The following SEMA3A variants were observed in gnomAD, a reference collection of about 807,000 sequenced individuals.
The protein encoded by SEMA3A is semaphorin-3A.
In SEMA3A, 29 loss-of-function variants were observed where a neutral mutation model predicts 97.9. The observed-to-expected ratio is 0.30, with a 90% CI of 0.22 to 0.40. The LOEUF (loss-of-function observed/expected upper bound fraction) is 0.40, where lower values mean the gene tolerates loss of function less well. Ranked by LOEUF, SEMA3A falls within the 10% of genes least tolerant of loss-of-function variation. SEMA3A has a pLI of 1.00. For missense variants in SEMA3A, 763 were observed against 951.3 expected (o/e 0.80, Z 2.60); for synonymous variants, 321 against 323.7 (o/e 0.99, Z 0.09).
chr7:84,274,050 G>A (rs1321161619), intron 3 of SEMA3A, among the ~76,000 whole-genome samples: 1 of 151,836 alleles, frequency 6.6e-6, no homozygotes, highest in Non-Finnish European at 1.5e-5. Context: ...ATAGAATTTT[G>A]GAGTTTCAAA....
At chr7:84,192,020 A>G (rs1798057597) in intron 1 of SEMA3A, among the ~76,000 whole-genome samples, 1 of 151,938 alleles carries the variant, frequency 6.6e-6, no homozygotes. Context: ...GAAAGTAAGC[A>G]CAGTGATTGC....
chr7:84,317,802 C>T (rs1801544432), intron 2 of SEMA3A, among the ~76,000 whole-genome samples: 1 of 152,042 alleles, frequency 6.6e-6, no homozygotes, highest in African/African-American at 2.4e-5. Context: ...GAAAATGAAA[C>T]TACTTTAGGA....
At chr7:84,114,487 T>C (rs1795365555) in intron 3 of SEMA3A, among the ~76,000 whole-genome samples, 1 of 152,128 alleles carries the variant, frequency 6.6e-6, no homozygotes, top group African/African-American at 2.4e-5. Flanking sequence ...CCATCGATAG[T>C]TTGTGTAGAA....
At chr7:84,135,171 C>A (rs1401996069) in intron 1 of SEMA3A, among the ~76,000 whole-genome samples, 1 of 146,728 alleles carries the variant, frequency 6.8e-6, no homozygotes, top group Non-Finnish European at 1.5e-5. Flanking sequence ...GGTTGGAGTA[C>A]AATGGCGGGA....
chr7:84,447,888 T>C (rs1378604693), intron 1 of SEMA3A, among the ~76,000 whole-genome samples: 1 of 152,192 alleles, frequency 6.6e-6, no homozygotes, highest in Non-Finnish European at 1.5e-5. Flanking sequence ...TCTCCAAGTT[T>C]CCAGGTGCCA....
chr7:84,027,183 TGCAA>T (rs890099894), intron 6 of SEMA3A, among the ~76,000 whole-genome samples: 2 of 152,200 alleles, frequency 1.3e-5, no homozygotes, highest in Non-Finnish European at 2.9e-5. Context: ...TTAAAAGACA[TGCAA>T]TGTCTCTGCT....
chr7:84,009,918 A>C (rs532826306), intron 9 of SEMA3A, among the ~76,000 whole-genome samples: 73 of 136,832 alleles, frequency 5.3e-4, no homozygotes, highest in Non-Finnish European at 8.6e-4. Context: ...AAAAAAAAAA[A>C]AAAAAAAAAA....
chr7:84,110,409 T>G, intron 4 of SEMA3A, 61 bp downstream of exon 4: 1 of 1,581,184 alleles, frequency 6.3e-7, no homozygotes, highest in South Asian at 1.1e-5. Flanking sequence ...AAATTAGTAA[T>G]GAAGCATTTT....
intron 3 of SEMA3A, among the ~76,000 whole-genome samples, chr7:84,246,505 G>T (rs936323325): frequency 2.6e-5 from 4 of 151,990 alleles, no homozygotes; most frequent in Non-Finnish European, 4.4e-5. Context: ...ATTAAAATAA[G>T]ACAGAGGTTA....
intron 5 of SEMA3A, among the ~76,000 whole-genome samples, chr7:84,054,266 C>T (rs1420034402): frequency 3.3e-5 from 5 of 152,260 alleles, no homozygotes; most frequent in African/African-American, 9.6e-5. Context: ...GCTTGCCTTG[C>T]TAGATTGGGG....
At chr7:84,166,722 A>C (rs879751935) in intron 1 of SEMA3A, among the ~76,000 whole-genome samples, 4 of 151,374 alleles carry the variant, frequency 2.6e-5, no homozygotes, top group Non-Finnish European at 5.9e-5. Context: ...AATACAAAAA[A>C]AAATTAGCTG....
rs191595419 is a variant in SEMA3A, at chr7:84,341,635, C to T, written c.-169+30189G>A. Among the ~76,000 whole-genome samples, 124 of 152,076 alleles carry T rather than the reference C, an allele frequency of 8.2e-4. 1 individual carries two copies. Among genetic ancestry groups the T allele is most frequent in the African/African-American group, 2.7e-3 (113 of 41,490 alleles). ...GATCCCCTCTGTCTCTACTTCTGCC[C>T]GAACAGTATCTATCTAAGCCTTCAG... is the stretch of plus-strand genomic sequence containing the variant. On this transcript the variant is annotated intron_variant, in intron 2 of 3. Transcript: ENST00000424555.
At chr7:84,175,059 C>T (rs1336728493) in intron 1 of SEMA3A, among the ~76,000 whole-genome samples, 2 of 152,124 alleles carry the variant, frequency 1.3e-5, no homozygotes, top group Non-Finnish European at 2.9e-5. Context: ...GTCTCTTCCA[C>T]TTGTCTGGAA....
intron 13 of SEMA3A, among the ~76,000 whole-genome samples, chr7:83,981,987 C>G (rs942297940): frequency 7.9e-5 from 12 of 151,996 alleles, no homozygotes; most frequent in African/African-American, 2.9e-4. Context: ...ACTTTGGGCT[C>G]AACACCAAGA....
intron 3 of SEMA3A, among the ~76,000 whole-genome samples, chr7:84,300,787 T>C (rs939632141): frequency 2.0e-5 from 3 of 152,022 alleles, no homozygotes; most frequent in Admixed American, 6.6e-5. Flanking sequence ...GAACCAAAAA[T>C]ATTAATGAAA....
intron 1 of SEMA3A, among the ~76,000 whole-genome samples, chr7:84,414,463 C>T (rs1013390067): frequency 6.7e-6 from 1 of 150,166 alleles, no homozygotes; most frequent in Non-Finnish European, 1.5e-5. Context: ...TTGATAAATA[C>T]GTGCAATGAA....
chr7:83,990,555 G>T (rs1228408149), intron 12 of SEMA3A, among the ~76,000 whole-genome samples: 1 of 114,802 alleles, frequency 8.7e-6, no homozygotes. Context: ...AGTTTTCCCA[G>T]CACCATTTAT....
chr7:84,428,336 AT>A (rs1296611797), intron 1 of SEMA3A, among the ~76,000 whole-genome samples: 13 of 151,982 alleles, frequency 8.6e-5, no homozygotes, highest in African/African-American at 2.2e-4. Context: ...CGTAAATATA[AT>A]TTTTTCTCCT....
At chr7:83,973,012 T>C (rs1390625957) in intron 15 of SEMA3A, among the ~76,000 whole-genome samples, 1 of 152,188 alleles carries the variant, frequency 6.6e-6, no homozygotes, top group Non-Finnish European at 1.5e-5. Flanking sequence ...ATATCTCTGA[T>C]ATCAGAATGT....
Sources: allele counts gnomAD v4.1 joint callset (sites outside exome capture counted in the v4.1 genomes callset), GRCh38; gene constraint gnomAD v4.1.1; transcripts MANE v1.5; gene names NCBI Gene and HGNC (gene_info 2026-07-23, HGNC 2026-07-21).